The following KCNT2 variants were observed in gnomAD, a reference collection of about 807,000 sequenced individuals.
KCNT2 encodes the protein potassium sodium-activated channel subfamily T member 2.
KCNT2 carries 67 observed loss-of-function variants against 153.8 expected under a neutral mutation model. The ratio of observed to expected loss-of-function variants is 0.44; its 90% CI spans 0.36 to 0.53. The LOEUF is 0.53. Among genes scored for constraint, KCNT2 ranks in the 20% least tolerant of loss-of-function variants. The probability of loss-of-function intolerance (pLI) is 0.00; values close to 1 mark genes in which losing one functional copy is unlikely to be tolerated. For synonymous variants in KCNT2, 500 were observed against 458.8 expected, an observed-to-expected ratio of 1.09 and a Z score of -1.15; for missense variants, 975 against 1,354.8, an observed-to-expected ratio of 0.72 and a Z score of 4.40.
chr1:196,320,168 T>A (rs1663151903), intron 19 of KCNT2, among the ~76,000 whole-genome samples: 1 of 151,778 alleles, frequency 6.6e-6, no homozygotes, highest in Admixed American at 6.6e-5. Flanking sequence ...GAAACATTTA[T>A]GACTGAAGTC....
chr1:196,547,531 C>G (rs1222000385), intron 1 of KCNT2, among the ~76,000 whole-genome samples: 6 of 151,918 alleles, frequency 3.9e-5, no homozygotes, highest in Admixed American at 6.6e-5. Context: ...TTCAACAATA[C>G]TTTCAATTTC....
intron 22 of KCNT2, among the ~76,000 whole-genome samples, chr1:196,299,633 C>T (rs543105748): frequency 1.3e-5 from 2 of 152,134 alleles, no homozygotes; most frequent in East Asian, 1.9e-4. Flanking sequence ...GAAACGGGAA[C>T]GCTTATAACT....
At chr1:196,339,670 A>G (rs1665420546) in intron 16 of KCNT2, among the ~76,000 whole-genome samples, 1 of 152,076 alleles carries the variant, frequency 6.6e-6, no homozygotes, top group African/African-American at 2.4e-5. Flanking sequence ...GGTTCCTGGA[A>G]TAAATGAATG....
chr1:196,316,046 A>G lies in KCNT2; in HGVS notation c.2349-20T>C. 1 of 1,605,116 alleles carries G rather than the reference A, an allele frequency of 6.2e-7. No homozygotes were observed. ...TCTAGGCTTTGATAAAAATCAACAG[A>G]GAAAAACAAACATTAAATAAATCAC... On this transcript the variant is annotated intron_variant, in intron 20 of 27. Transcript: ENST00000294725.
In KCNT2 at chr1:196,235,590, C is replaced by A. The variant is rs578149899; in HGVS notation, c.3296+396G>T. Among the ~76,000 whole-genome samples, 10 of 151,438 alleles carry A rather than the reference C, an allele frequency of 6.6e-5. No homozygotes were observed. In the East Asian group the frequency reaches 1.7e-3, roughly 26 times the overall value. ...TTATTTTTCAAGAAATAAAATTAGT[C>A]CCATAGAACTTTTTCTATTAAGTGT... On this transcript the variant is annotated intron_variant, in intron 27 of 27. Coordinates refer to ENST00000294725, the MANE Select transcript of KCNT2 (RefSeq NM_198503.5).
chr1:196,450,355 A>G (rs1676049629), intron 8 of KCNT2, among the ~76,000 whole-genome samples: 2 of 151,874 alleles, frequency 1.3e-5, no homozygotes, highest in African/African-American at 4.8e-5. Context: ...TGATTACCAA[A>G]TTTACACATT....
chr1:196,237,348 A>C (rs1468027993), intron 26 of KCNT2, among the ~76,000 whole-genome samples: 4 of 151,840 alleles, frequency 2.6e-5, no homozygotes, highest in Middle Eastern at 6.8e-3. Context: ...AAAAATCCTT[A>C]TCTTTCAAGG....
In KCNT2 at chr1:196,396,398, C is replaced by T. The variant is rs556257986; in HGVS notation, c.1294+2165G>A. Among the ~76,000 whole-genome samples, 8 of 151,670 alleles carry T rather than the reference C, an allele frequency of 5.3e-5. No individual in the cohort carries two copies. The South Asian group carries it at 8.3e-4, about 16-fold the overall frequency. On this transcript the variant is annotated intron_variant, in intron 13 of 27. Coordinates refer to ENST00000294725, the MANE Select transcript of KCNT2 (RefSeq NM_198503.5). ...CATGGTAAAAAGCTGCAAAATCACA[C>T]GGCAACAGGGCACAGATATATACAG... is the stretch of plus-strand genomic sequence containing the variant.
At chr1:196,299,732 A>T (rs1661005192) in intron 22 of KCNT2, among the ~76,000 whole-genome samples, 1 of 152,204 alleles carries the variant, frequency 6.6e-6, no homozygotes, top group East Asian at 1.9e-4. Flanking sequence ...CACATGATCC[A>T]GTAATCTCAC....
intron 1 of KCNT2, among the ~76,000 whole-genome samples, chr1:196,601,731 T>C (rs1389129959): frequency 1.3e-5 from 2 of 152,196 alleles, no homozygotes; most frequent in Non-Finnish European, 2.9e-5. Context: ...CCTACTTCCT[T>C]TTTTTAGAAT....
intron 1 of KCNT2, among the ~76,000 whole-genome samples, chr1:196,534,661 A>C: frequency 6.6e-6 from 1 of 152,214 alleles, no homozygotes; most frequent in Non-Finnish European, 1.5e-5. Context: ...CTTCTTAAAA[A>C]TTTGATTAAA....
chr1:196,507,987 C>A (rs991755180), intron 1 of KCNT2, among the ~76,000 whole-genome samples: 6 of 151,224 alleles, frequency 4.0e-5, no homozygotes, highest in Non-Finnish European at 8.9e-5. Context: ...GATATTAAGA[C>A]TTATTAGGAT....
At chr1:196,394,344 T>C (rs535675192) in intron 13 of KCNT2, among the ~76,000 whole-genome samples, 1 of 151,638 alleles carries the variant, frequency 6.6e-6, no homozygotes, top group East Asian at 1.9e-4. Flanking sequence ...AAGTGAGAGA[T>C]GATAATGGCG....
At chr1:196,257,415 T>C (rs907969404) in intron 26 of KCNT2, 48 of 970,894 alleles carry the variant, frequency 4.9e-5, no homozygotes, top group Non-Finnish European at 5.9e-5. Flanking sequence ...ATTTGATTCT[T>C]AACTTGCATG....
intron 25 of KCNT2, among the ~76,000 whole-genome samples, chr1:196,267,555 T>C (rs1021136487): frequency 6.6e-6 from 1 of 152,150 alleles, no homozygotes; most frequent in Non-Finnish European, 1.5e-5. Context: ...CTCTCCAAAT[T>C]GCAATTACAA....
At chr1:196,288,204 A>C (rs769338044) in intron 22 of KCNT2, among the ~76,000 whole-genome samples, 1 of 152,096 alleles carries the variant, frequency 6.6e-6, no homozygotes, top group Non-Finnish European at 1.5e-5. Flanking sequence ...AATAGCATAG[A>C]GTTTAAGTAT....
chr1:196,484,971 C>A (rs1679308138), intron 3 of KCNT2, among the ~76,000 whole-genome samples: 1 of 152,038 alleles, frequency 6.6e-6, no homozygotes, highest in African/African-American at 2.4e-5. Flanking sequence ...GAGTATAAAT[C>A]ATTCTACTCT....
At chr1:196,511,270 G>A (rs76093499) in intron 1 of KCNT2, among the ~76,000 whole-genome samples, 16 of 152,084 alleles carry the variant, frequency 1.1e-4, no homozygotes, top group Non-Finnish European at 2.4e-4. Context: ...GTTCACCCCG[G>A]TGCTATCTGT....
intron 1 of KCNT2, among the ~76,000 whole-genome samples, chr1:196,550,813 A>G (rs1175965985): frequency 6.6e-6 from 1 of 151,794 alleles, no homozygotes; most frequent in Middle Eastern, 3.2e-3. Context: ...GTAGAAGGGT[A>G]AAAAATGATA....
Sources: gnomAD v4.1 joint callset for allele counts (sites outside exome capture counted in the v4.1 genomes callset) on GRCh38, gnomAD v4.1.1 for gene constraint, MANE v1.5 for transcripts, NCBI Gene and HGNC (gene_info 2026-07-23, HGNC 2026-07-21) for gene names.